Variants in ANK3 observed in about 807,000 individuals in gnomAD.
The protein encoded by ANK3 is ankyrin-3.
In ANK3, 57 loss-of-function variants were observed where a neutral mutation model predicts 370.9. The observed-to-expected ratio is 0.15, with a 90% CI of 0.12 to 0.19. The LOEUF (loss-of-function observed/expected upper bound fraction) is 0.19. ANK3 is among the 10% of genes least tolerant of loss of function. The pLI is 1.00. For synonymous variants in ANK3, 1,929 were observed against 1,946.3 expected (o/e 0.99, Z 0.23); for missense variants, 4,439 against 5,302.1 (o/e 0.84, Z 5.06).
intron 1 of ANK3, among the ~76,000 whole-genome samples, chr10:60,615,390 T>TAA (rs60626709): frequency 1.1e-4 from 16 of 146,070 alleles, no homozygotes; most frequent in Admixed American, 4.1e-4. Flanking sequence ...AATTCTAGTT[T>TAA]AAAAAAAAAA....
At chr10:60,514,361 T>C (rs1188462544) in intron 2 of ANK3, among the ~76,000 whole-genome samples, 1 of 152,100 alleles carries the variant, frequency 6.6e-6, no homozygotes, top group Non-Finnish European at 1.5e-5. Context: ...TCAGGAGTGA[T>C]ATTTAAAATG....
At chr10:60,690,210 T>A (rs1372220125) in intron 1 of ANK3, among the ~76,000 whole-genome samples, 1 of 152,136 alleles carries the variant, frequency 6.6e-6, no homozygotes, top group Non-Finnish European at 1.5e-5. Context: ...CTGAGGCACC[T>A]GGTTCATCTC....
At chr10:60,260,958 G>A (rs920113638) in intron 7 of ANK3, among the ~76,000 whole-genome samples, 9 of 152,102 alleles carry the variant, frequency 5.9e-5, no homozygotes, top group African/African-American at 1.7e-4. Context: ...CACTACTGCC[G>A]CTGCTGTTAG....
In ANK3 at chr10:60,069,242, T is replaced by C; in HGVS notation, c.11639A>G (p.His3880Arg). ...TSPKDTFPPN[H>R]MSNTKASKMK... ...TTTACTTGCTTTAGTGTTTGACATA[T>C]GGTTCGGTGGGAAGGTATCTTTTGG... Residue 3880 changes from histidine to arginine, a missense_variant, in exon 37 of 44, where the codon CAT (histidine) becomes CGT (arginine). His to Arg is a conservative substitution (Grantham distance 29). Coordinates refer to ENST00000280772, the MANE Select transcript of ANK3 (RefSeq NM_020987.5). 6.2e-7 allele frequency: 1 copy of C among 1,614,208 alleles called. No individual in the cohort carries two copies. The highest frequency in any genetic ancestry group is 8.5e-7 in the Non-Finnish European group (1 of 1,180,014).
chr10:60,082,317 C>T (rs995679426), intron 34 of ANK3, 141 bp from the exon 35 acceptor site: 1 of 826,858 alleles, frequency 1.2e-6, no homozygotes, highest in African/African-American at 1.7e-5. Flanking sequence ...TAAAAAAAGC[C>T]AACAAAAAAT....
chr10:60,231,436 C>G (rs1179659378), intron 8 of ANK3, among the ~76,000 whole-genome samples: 1 of 152,174 alleles, frequency 6.6e-6, no homozygotes, highest in Admixed American at 6.5e-5. Flanking sequence ...TGTACCAGAT[C>G]AGATTTATTG....
At position 60,521,113 on chromosome 10, in the gene ANK3, A is replaced by AT. The variant is rs2076336526; in HGVS notation, c.96+94072_96+94073insA. On this transcript the variant is annotated intron_variant, in intron 2 of 43. Coordinates refer to the ANK3 transcript ENST00000373827. ...ATAAATAAATCATGCCTAGGAGACT[A>AT]GGTTATTAATTATGGACCTTATTTT... is the stretch of plus-strand genomic sequence containing the variant. 2.6e-5 allele frequency among the ~76,000 whole-genome samples: 4 copies of AT among 152,058 alleles called. No individual in the cohort carries two copies. In the South Asian group the frequency reaches 8.3e-4, roughly 32 times the overall value.
At chr10:60,674,738 C>T (rs1447946479) in intron 1 of ANK3, among the ~76,000 whole-genome samples, 1 of 152,140 alleles carries the variant, frequency 6.6e-6, no homozygotes, top group Admixed American at 6.5e-5. Context: ...AGTGAATCTC[C>T]CCCATAGAGG....
chr10:60,669,582 G>A (rs1367439240), intron 1 of ANK3, among the ~76,000 whole-genome samples: 1 of 152,128 alleles, frequency 6.6e-6, no homozygotes, highest in South Asian at 2.1e-4. Context: ...TCTGATGGAT[G>A]CCTTTCTGAC....
intron 2 of ANK3, among the ~76,000 whole-genome samples, chr10:60,588,709 C>T (rs1247651160): frequency 1.3e-5 from 2 of 151,686 alleles, no homozygotes; most frequent in Non-Finnish European, 2.9e-5. Flanking sequence ...GAGTTCGAGA[C>T]CAGCCTGGGC....
At chr10:60,683,571 T>A (rs983807257) in intron 1 of ANK3, among the ~76,000 whole-genome samples, 5 of 152,224 alleles carry the variant, frequency 3.3e-5, no homozygotes, top group Admixed American at 3.3e-4. Context: ...GAAACAAAGT[T>A]TGCCTTCTTC....
intron 23 of ANK3, 76 bp downstream of exon 23, chr10:60,166,512 ATAT>A: frequency 5.4e-6 from 6 of 1,114,100 alleles, no homozygotes; most frequent in Non-Finnish European, 8.0e-6. Context: ...ACTCAAGGAA[ATAT>A]TATATTTCAA....
At chr10:60,529,184 G>T (rs2076546757) in intron 2 of ANK3, among the ~76,000 whole-genome samples, 1 of 152,086 alleles carries the variant, frequency 6.6e-6, no homozygotes, top group Non-Finnish European at 1.5e-5. Context: ...GACAATAAGG[G>T]TGAGAGAAAA....
chr10:60,339,965 T>G (rs375118683), intron 1 of ANK3, among the ~76,000 whole-genome samples: 9 of 152,248 alleles, frequency 5.9e-5, no homozygotes, highest in Non-Finnish European at 8.8e-5. Flanking sequence ...AGCAGATTGA[T>G]GCCTCCCTTG....
chr10:60,278,555 A>G (rs1429254919), intron 4 of ANK3, among the ~76,000 whole-genome samples: 1 of 152,020 alleles, frequency 6.6e-6, no homozygotes. Flanking sequence ...TATTTTTAGT[A>G]GAGACAGGAT....
At chr10:60,042,335 C>G (rs542031870) in intron 43 of ANK3, among the ~76,000 whole-genome samples, 2 of 152,242 alleles carry the variant, frequency 1.3e-5, no homozygotes, top group Non-Finnish European at 2.9e-5. Context: ...GTATTCGTTG[C>G]CAAATAGTCT....
At chr10:60,301,051 T>C (rs1233371320) in intron 1 of ANK3, among the ~76,000 whole-genome samples, 1 of 150,688 alleles carries the variant, frequency 6.6e-6, no homozygotes, top group Non-Finnish European at 1.5e-5. Context: ...TTTTTAAAAA[T>C]ACAGCACTAT....
chr10:60,605,255 A>G (rs916422354), intron 2 of ANK3, among the ~76,000 whole-genome samples: 2 of 152,022 alleles, frequency 1.3e-5, no homozygotes, highest in African/African-American at 4.8e-5. Context: ...AATGACACAC[A>G]TGACAAGATG....
At chr10:60,532,178 A>G (rs1279395283) in intron 2 of ANK3, among the ~76,000 whole-genome samples, 1 of 152,164 alleles carries the variant, frequency 6.6e-6, no homozygotes, top group Non-Finnish European at 1.5e-5. Context: ...ACTGAGATTA[A>G]TCTGCATGTT....
Sources: gnomAD v4.1 joint callset for allele counts (sites outside exome capture counted in the v4.1 genomes callset) on GRCh38, gnomAD v4.1.1 for gene constraint, MANE v1.5 for transcripts, NCBI Gene and HGNC (gene_info 2026-07-23, HGNC 2026-07-21) for gene names.